MAST4: variants seen among roughly 807,000 people sequenced by gnomAD.
The protein encoded by MAST4 is microtubule-associated serine/threonine-protein kinase 4.
MAST4 carries 89 observed loss-of-function variants against 162.7 expected under a neutral mutation model. The observed-to-expected ratio is 0.55, with a 90% CI of 0.46 to 0.65. MAST4 has a LOEUF of 0.65. Among genes scored for constraint, MAST4 ranks in the 30% least tolerant of loss-of-function variants. The probability of loss-of-function intolerance (pLI) is 0.00; values close to 1 mark genes in which losing one functional copy is unlikely to be tolerated. For synonymous variants in MAST4, 1,479 were observed against 1,361.1 expected (o/e 1.09, Z -1.91); for missense variants, 3,153 against 3,374.0 (o/e 0.93, Z 1.62).
At chr5:67,101,206 G>T (rs927326945) in intron 8 of MAST4, among the ~76,000 whole-genome samples, 3 of 152,194 alleles carry the variant, frequency 2.0e-5, no homozygotes, top group African/African-American at 7.2e-5. Context: ...ATTAGCACCT[G>T]TGGGAGGGAA....
At chr5:66,842,141 G>A (rs1024195492) in intron 3 of MAST4, among the ~76,000 whole-genome samples, 14 of 152,136 alleles carry the variant, frequency 9.2e-5, no homozygotes, top group African/African-American at 2.9e-4. Flanking sequence ...TTTGGAATAA[G>A]GGGATTTATA....
chr5:66,696,511 C>T (rs1484184300), intron 1 of MAST4, among the ~76,000 whole-genome samples: 2 of 152,090 alleles, frequency 1.3e-5, no homozygotes, highest in Non-Finnish European at 2.9e-5. Context: ...ATACTTCTGT[C>T]ATTCTCATAA....
At chr5:66,611,930 T>C (rs1743316739) in intron 1 of MAST4, among the ~76,000 whole-genome samples, 1 of 152,254 alleles carries the variant, frequency 6.6e-6, no homozygotes, top group Non-Finnish European at 1.5e-5. Context: ...GTGTCATGGA[T>C]GTTCAAAATT....
At chr5:66,702,470 A>G (rs1231064687) in intron 1 of MAST4, among the ~76,000 whole-genome samples, 7 of 152,162 alleles carry the variant, frequency 4.6e-5, no homozygotes, top group Admixed American at 3.9e-4. Context: ...TAGGAGGGCC[A>G]TGGACGGATG....
intron 4 of MAST4, among the ~76,000 whole-genome samples, chr5:66,992,572 G>T (rs76568750): frequency 0.017 from 2,570 of 152,258 alleles, 81 homozygotes; most frequent in African/African-American, 0.058. Flanking sequence ...CATCTTCTAA[G>T]TTATCAACTA....
chr5:66,773,755 TCA>T (rs1415449901), intron 2 of MAST4, among the ~76,000 whole-genome samples: 2 of 152,226 alleles, frequency 1.3e-5, no homozygotes, highest in African/African-American at 4.8e-5. Context: ...CTCACCAGAC[TCA>T]CATGCCAGTA....
intron 4 of MAST4, among the ~76,000 whole-genome samples, chr5:66,999,338 A>C (rs1437227389): frequency 6.6e-6 from 1 of 152,240 alleles, no homozygotes; most frequent in Non-Finnish European, 1.5e-5. Flanking sequence ...CACCTTCTCC[A>C]GTCCTATGGG....
chr5:67,121,631 C>T (rs1298133012), intron 14 of MAST4, among the ~76,000 whole-genome samples: 1 of 150,568 alleles, frequency 6.6e-6, no homozygotes, highest in Admixed American at 6.6e-5. Context: ...AGAACTGTCT[C>T]GGGCCACACA....
chr5:66,924,608 T>C (rs562932178), intron 4 of MAST4, among the ~76,000 whole-genome samples: 15 of 152,290 alleles, frequency 9.8e-5, no homozygotes, highest in African/African-American at 3.4e-4. Flanking sequence ...GGTTTCACCA[T>C]GGTTTTGATC....
At chr5:66,638,287 C>T (rs1460395558) in intron 1 of MAST4, among the ~76,000 whole-genome samples, 1 of 152,132 alleles carries the variant, frequency 6.6e-6, no homozygotes, top group East Asian at 1.9e-4. Context: ...AATGCAGACG[C>T]ATGGTCCGGA....
intron 3 of MAST4, among the ~76,000 whole-genome samples, chr5:66,821,927 T>C (rs886340888): frequency 6.6e-6 from 1 of 152,026 alleles, no homozygotes; most frequent in Non-Finnish European, 1.5e-5. Context: ...GTGGGTTCAG[T>C]AGGGAGGGAC....
At chr5:66,907,575 C>T (rs1763454295) in intron 4 of MAST4, among the ~76,000 whole-genome samples, 1 of 143,746 alleles carries the variant, frequency 7.0e-6, no homozygotes, top group Non-Finnish European at 1.5e-5. Context: ...ATGAAATGGG[C>T]ATAGGTTGAT....
At chr5:67,161,290 A>T (rs1773154707) in intron 27 of MAST4, among the ~76,000 whole-genome samples, 1 of 152,184 alleles carries the variant, frequency 6.6e-6, no homozygotes, top group South Asian at 2.1e-4. Flanking sequence ...AAATGTAGAA[A>T]AACAAGCAAA....
chr5:66,889,792 T>G (rs1762255632), intron 3 of MAST4, among the ~76,000 whole-genome samples: 1 of 152,350 alleles, frequency 6.6e-6, no homozygotes, highest in Admixed American at 6.5e-5. Context: ...TGTGTTAGCA[T>G]TAATCTTCTC....
At chr5:66,900,195 A>G (rs930380652) in intron 4 of MAST4, among the ~76,000 whole-genome samples, 4 of 152,120 alleles carry the variant, frequency 2.6e-5, no homozygotes, top group Admixed American at 1.3e-4. Flanking sequence ...CTAAATGTAT[A>G]TTTATTCCTC....
chr5:66,597,135 C>T (rs375873627), intron 1 of MAST4, 117 bp downstream of exon 1: 2 of 1,214,994 alleles, frequency 1.6e-6, no homozygotes, highest in Non-Finnish European at 2.1e-6. Context: ...AGGGAGGGAC[C>T]CCAAGCGCTC....
intron 4 of MAST4, among the ~76,000 whole-genome samples, chr5:66,911,218 A>C (rs1763736470): frequency 6.6e-6 from 1 of 152,094 alleles, no homozygotes; most frequent in Non-Finnish European, 1.5e-5. Context: ...TCACTCACAT[A>C]ACTTTTGACC....
intron 4 of MAST4, among the ~76,000 whole-genome samples, chr5:67,041,523 A>G (rs1475721567): frequency 6.6e-6 from 1 of 152,222 alleles, no homozygotes; most frequent in Non-Finnish European, 1.5e-5. Flanking sequence ...CTCTAGAATT[A>G]TTTTGATGGC....
intron 6 of MAST4, among the ~76,000 whole-genome samples, chr5:67,090,938 T>G (rs1171087183): frequency 6.6e-6 from 1 of 152,058 alleles, no homozygotes; most frequent in Non-Finnish European, 1.5e-5. Flanking sequence ...CCCTCTCACA[T>G]GCATAGCTTG....
Sources: allele counts gnomAD v4.1 joint callset (sites outside exome capture counted in the v4.1 genomes callset), GRCh38; gene constraint gnomAD v4.1.1; transcripts MANE v1.5; gene names NCBI Gene and HGNC (gene_info 2026-07-23, HGNC 2026-07-21).